The following STK39 variants were observed in gnomAD, a reference collection of about 807,000 sequenced individuals.
STK39 encodes the protein STE20/SPS1-related proline-alanine-rich protein kinase.
Under a neutral mutation model 77.8 loss-of-function variants are expected in STK39, and 20 were observed. The ratio of observed to expected loss-of-function variants is 0.26; its 90% CI spans 0.18 to 0.37. STK39 has a LOEUF of 0.37. Ranked by LOEUF, STK39 falls within the 10% of genes least tolerant of loss-of-function variation. STK39 has a pLI of 1.00. For missense variants in STK39, 479 were observed against 656.5 expected (o/e 0.73, Z 2.95); for synonymous variants, 246 against 234.1 (o/e 1.05, Z -0.47).
intron 14 of STK39, among the ~76,000 whole-genome samples, chr2:168,029,226 C>A (rs888650476): frequency 6.6e-6 from 1 of 152,186 alleles, no homozygotes; most frequent in African/African-American, 2.4e-5. Context: ...GTTACTCCAA[C>A]TGAGCACCGG....
intron 10 of STK39, among the ~76,000 whole-genome samples, chr2:168,092,725 T>G (rs1247233642): frequency 2.0e-5 from 3 of 152,234 alleles, no homozygotes; most frequent in African/African-American, 7.2e-5. Flanking sequence ...CATCTGCTCA[T>G]CGTTAGTAAA....
intron 1 of STK39, among the ~76,000 whole-genome samples, chr2:168,237,107 C>A (rs1338337094): frequency 6.6e-6 from 1 of 152,122 alleles, no homozygotes; most frequent in South Asian, 2.1e-4. Context: ...TTCTTTGTAT[C>A]CTCTTTTATT....
intron 3 of STK39, among the ~76,000 whole-genome samples, chr2:168,165,232 G>T (rs3769382): frequency 1.3e-5 from 2 of 151,996 alleles, no homozygotes; most frequent in Non-Finnish European, 2.9e-5. Context: ...GTCTGCCCAC[G>T]TCCTTACCTG....
At position 168,247,340 on chromosome 2, in the gene STK39, T is replaced by C. The variant is rs1020827011; in HGVS notation, c.96A>G (p.Thr32=). ...CGGGAGCTGCCGGGGCCGGCGCTGC[T>C]GTCGCGGCCGCCGGGGCCGCCGCCG... ...AAAAAAPAAA[T]AAPAPAAPAA... The change falls in exon 1 of 18, where the codon ACA becomes ACG. Residue 32 remains threonine, a synonymous_variant. Coordinates refer to ENST00000355999, the MANE Select transcript of STK39 (RefSeq NM_013233.3). 27 of 1,041,912 alleles carry C rather than the reference T, an allele frequency of 2.6e-5. No homozygotes were observed. The highest frequency in any genetic ancestry group is 1.2e-4 in the African/African-American group (7 of 58,268). 64.5% of individuals were successfully genotyped at this position (1,041,912 alleles called of 1,614,324 possible).
chr2:168,013,621 G>A (rs931183021), intron 15 of STK39, among the ~76,000 whole-genome samples: 1 of 152,174 alleles, frequency 6.6e-6, no homozygotes, highest in Non-Finnish European at 1.5e-5. Context: ...ACTCTAGACG[G>A]GGGTTTGACA....
At chr2:168,182,195 C>T (rs1271263523) in intron 1 of STK39, 105 bp from the exon 2 acceptor site, 13 of 783,588 alleles carry the variant, frequency 1.7e-5, no homozygotes, top group Admixed American at 4.7e-5. Flanking sequence ...TTCTACTCAG[C>T]GTATTCAGAA....
intron 1 of STK39, among the ~76,000 whole-genome samples, chr2:168,225,872 G>A (rs1264248613): frequency 6.6e-6 from 1 of 152,082 alleles, no homozygotes; most frequent in Non-Finnish European, 1.5e-5. Context: ...CTCCAAGGAG[G>A]GTGTCTGAGT....
At chr2:168,083,909 T>C (rs772837796) in intron 10 of STK39, among the ~76,000 whole-genome samples, 2 of 152,124 alleles carry the variant, frequency 1.3e-5, no homozygotes, top group Non-Finnish European at 2.9e-5. Flanking sequence ...GCAACCAGCA[T>C]TGACTGACGG....
intron 1 of STK39, among the ~76,000 whole-genome samples, chr2:168,187,965 G>A (rs1330244947): frequency 6.6e-6 from 1 of 152,100 alleles, no homozygotes; most frequent in Non-Finnish European, 1.5e-5. Context: ...TAAATGAGAA[G>A]CACAAAGTTG....
chr2:168,145,610 C>T (rs189665561), intron 5 of STK39, among the ~76,000 whole-genome samples: 1 of 152,286 alleles, frequency 6.6e-6, no homozygotes, highest in Admixed American at 6.5e-5. Flanking sequence ...GCGATTTCTC[C>T]TGCCTAATTT....
At chr2:167,994,723 C>T (rs1423245661) in intron 16 of STK39, among the ~76,000 whole-genome samples, 4 of 152,150 alleles carry the variant, frequency 2.6e-5, no homozygotes, top group African/African-American at 7.2e-5. Context: ...TGGCTTCTTA[C>T]ACTTAGCATA....
rs35073385 is a variant in STK39, at chr2:167,983,477, A to AAAGGAAGGAAGG, written c.1499-18763_1499-18752dup. On this transcript the variant is annotated intron_variant, in intron 16 of 17. Transcript: ENST00000355999. ...CCAAAAAAAAAAAAAAAAAGAAATG[A>AAAGGAAGGAAGG]AAGGAAGGAAGGAAGGAAGGAAGGA... Among the ~76,000 whole-genome samples the AAAGGAAGGAAGG allele has an allele frequency of 2.8e-3, 363 of 130,794 alleles. 2 individuals are homozygous for AAAGGAAGGAAGG. Among genetic ancestry groups the AAAGGAAGGAAGG allele is most frequent in the African/African-American group, 9.4e-3 (327 of 34,904 alleles). 85.8% of individuals were successfully genotyped at this position (130,794 alleles called of 152,430 possible).
intron 14 of STK39, among the ~76,000 whole-genome samples, chr2:168,038,113 T>C (rs1372229454): frequency 6.6e-6 from 1 of 152,124 alleles, no homozygotes; most frequent in African/African-American, 2.4e-5. Context: ...TATAGTTAGA[T>C]AGACTAGGAT....
intron 5 of STK39, among the ~76,000 whole-genome samples, chr2:168,151,184 G>A (rs1688271875): frequency 6.6e-6 from 1 of 152,152 alleles, no homozygotes; most frequent in African/African-American, 2.4e-5. Context: ...TGAGGGAGCA[G>A]TAGTCATAAC....
At chr2:168,151,837 C>G (rs774088159) in intron 5 of STK39, among the ~76,000 whole-genome samples, 5 of 151,980 alleles carry the variant, frequency 3.3e-5, no homozygotes, top group Non-Finnish European at 5.9e-5. Flanking sequence ...CAAGACACCA[C>G]AGGCTTAAAA....
intron 1 of STK39, among the ~76,000 whole-genome samples, chr2:168,212,083 T>G (rs1188477519): frequency 1.3e-5 from 2 of 152,204 alleles, no homozygotes; most frequent in African/African-American, 4.8e-5. Context: ...TCTCATCCAG[T>G]CATCCAGAAC....
intron 1 of STK39, among the ~76,000 whole-genome samples, chr2:168,200,212 A>G (rs4668046): frequency 0.44 from 66,708 of 152,038 alleles, 16,886 homozygotes; most frequent in East Asian, 0.77. Context: ...GAAAGGCTAC[A>G]AGTGATTAGA....
chr2:168,110,999 A>C (rs1445822832), intron 10 of STK39, among the ~76,000 whole-genome samples: 1 of 152,034 alleles, frequency 6.6e-6, no homozygotes, highest in Non-Finnish European at 1.5e-5. Flanking sequence ...CTTTTGTTAG[A>C]TTTATTTAAT....
intron 16 of STK39, among the ~76,000 whole-genome samples, chr2:167,977,626 A>G (rs1683313789): frequency 6.6e-6 from 1 of 151,902 alleles, no homozygotes; most frequent in African/African-American, 2.4e-5. Context: ...CAGCTGTTGA[A>G]AAGTACTTTG....
Sources: allele counts gnomAD v4.1 joint callset (sites outside exome capture counted in the v4.1 genomes callset), GRCh38; gene constraint gnomAD v4.1.1; transcripts MANE v1.5; gene names NCBI Gene and HGNC (gene_info 2026-07-23, HGNC 2026-07-21).